NUP58: variants seen among roughly 807,000 people sequenced by gnomAD.
NUP58 encodes the protein nucleoporin p58/p45.
A neutral mutation model predicts 70.1 loss-of-function variants in NUP58; 17 were observed. That is an observed-to-expected ratio of 0.24 (90% CI 0.17 to 0.36). The LOEUF (loss-of-function observed/expected upper bound fraction) is 0.36, where lower values mean the gene tolerates loss of function less well. Ranked by LOEUF, NUP58 falls within the 10% of genes least tolerant of loss-of-function variation. The probability of loss-of-function intolerance (pLI) is 1.00; values close to 1 mark genes in which losing one functional copy is unlikely to be tolerated. For missense variants in NUP58, 644 were observed against 701.5 expected, an observed-to-expected ratio of 0.92 and a Z score of 0.93; for synonymous variants, 275 against 257.6, an observed-to-expected ratio of 1.07 and a Z score of -0.65.
rs1342972510 is a variant in NUP58, at chr13:25,312,923, T to C, written c.327T>C (p.Ser109=). Residue 109 remains serine, a synonymous_variant, in exon 4 of 16, where the codon AGT becomes AGC. Transcript: ENST00000381736. ...CATCTGCAGCTACAACAGGCTTCAG[T>C]TTAGGATTCAATAAACCTGCAGCAT... The part of the protein sequence containing the change: ...ATTSAATTGF[S]LGFNKPAASA... 28 of 1,613,764 alleles carry C rather than the reference T, an allele frequency of 1.7e-5. No homozygotes were observed. Among genetic ancestry groups the C allele is most frequent in the Non-Finnish European group, 2.3e-5 (27 of 1,179,922 alleles).
chr13:25,312,120 C>T (rs2030698973), intron 3 of NUP58, among the ~76,000 whole-genome samples: 1 of 151,752 alleles, frequency 6.6e-6, no homozygotes, highest in South Asian at 2.1e-4. Flanking sequence ...TAGGAAGTGT[C>T]AGTTAAGACA....
intron 13 of NUP58, chr13:25,333,788 TG>T: frequency 1.0e-6 from 1 of 985,414 alleles, no homozygotes; most frequent in Non-Finnish European, 1.2e-6. Flanking sequence ...TGTTTTTAAG[TG>T]CCAGTAACAA....
At chr13:25,302,929 C>T in intron 1 of NUP58, 1 of 455,644 alleles carries the variant, frequency 2.2e-6, no homozygotes, top group South Asian at 1.6e-5. Flanking sequence ...ATTTCCAGTT[C>T]CACAACCCTG....
intron 6 of NUP58, among the ~76,000 whole-genome samples, chr13:25,316,767 C>T (rs1299118785): frequency 6.6e-6 from 1 of 152,132 alleles, no homozygotes; most frequent in African/African-American, 2.4e-5. Flanking sequence ...CAGGCTAAGG[C>T]AGAAGAGTAA....
Position 25,340,218 on chromosome 13 carries a change from G to T in NUP58, c.*84G>T, listed in dbSNP as rs1432093890. ...TTTCTAATGATGCAGTAATTAAATT[G>T]CATCCCAGGAGATTTATAAAGTTTT... On this transcript the variant is annotated 3_prime_UTR_variant, in exon 16 of 16. Transcript: ENST00000381736. 3 of 1,213,538 alleles carry T rather than the reference G, an allele frequency of 2.5e-6. No homozygotes were observed. Among genetic ancestry groups the T allele is most frequent in the Non-Finnish European group, 3.3e-6 (3 of 912,754 alleles). 75.2% of individuals were successfully genotyped at this position (1,213,538 alleles called of 1,614,324 possible).
At chr13:25,330,775 CATT>C (rs2031573806) in intron 12 of NUP58, among the ~76,000 whole-genome samples, 1 of 152,128 alleles carries the variant, frequency 6.6e-6, no homozygotes, top group South Asian at 2.1e-4. Context: ...AATCAAGTCT[CATT>C]GTACAATGGT....
At chr13:25,324,538 T>C (rs2031316587) in intron 9 of NUP58, among the ~76,000 whole-genome samples, 1 of 152,204 alleles carries the variant, frequency 6.6e-6, no homozygotes, top group Non-Finnish European at 1.5e-5. Context: ...CCCTACATTG[T>C]AATGTTGTCC....
At chr13:25,334,138 A>G in intron 13 of NUP58, 2 of 985,298 alleles carry the variant, frequency 2.0e-6, no homozygotes, top group Non-Finnish European at 2.4e-6. Flanking sequence ...CCAGCAGGCT[A>G]TTTGTGTATG....
intron 6 of NUP58, among the ~76,000 whole-genome samples, chr13:25,316,835 C>G (rs921875241): frequency 2.0e-5 from 3 of 152,112 alleles, no homozygotes; most frequent in Admixed American, 6.5e-5. Flanking sequence ...TTCCTGCTTT[C>G]ATAGTGTACC....
rs1469123745 is a variant in NUP58, at chr13:25,313,704, C to G, written c.527C>G (p.Ala176Gly). The G allele has an allele frequency of 2.0e-6, 3 of 1,532,426 alleles. No homozygotes were observed. The highest frequency in any genetic ancestry group is 2.6e-5 in the East Asian group (1 of 38,834). 94.9% of individuals were successfully genotyped at this position (1,532,426 alleles called of 1,614,324 possible). A position where few individuals can be genotyped will look rare whatever the true frequency, so the allele number is the denominator to read the frequency against. Reference protein sequence around the residue: ...STGLSLGGALAGLGGSLFQST... With the variant: ...STGLSLGGALGGLGGSLFQST... ...GGCCTCTCTTTAGGGGGAGCCTTAG[C>G]TGGTTTGGGAGGTTCACTTTTCCAG... The change falls in exon 5 of 16, where the codon GCT becomes GGT. Residue 176 changes from alanine to glycine, a missense_variant. By Grantham distance (60) the Ala-to-Gly change is moderately conservative. Transcript: ENST00000381736.
At chr13:25,329,899 T>C (rs2031542833) in intron 12 of NUP58, among the ~76,000 whole-genome samples, 2 of 152,182 alleles carry the variant, frequency 1.3e-5, no homozygotes, top group South Asian at 2.1e-4. Context: ...CATGACTCAT[T>C]GCAGCCTCAA....
chr13:25,308,781 C>T (rs1241377970), intron 2 of NUP58, among the ~76,000 whole-genome samples: 2 of 152,124 alleles, frequency 1.3e-5, no homozygotes, highest in Non-Finnish European at 2.9e-5. Context: ...AAGTTTGCTT[C>T]TTTATTTACC....
chr13:25,343,602 C>T (rs889159170), downstream of NUP58, among the ~76,000 whole-genome samples: 4 of 150,974 alleles, frequency 2.6e-5, no homozygotes, highest in African/African-American at 4.8e-5. Flanking sequence ...GGCATGATTA[C>T]GCCTGGCTAA....
At chr13:25,301,935 C>A in intron 1 of NUP58, 55 bp downstream of exon 1, 5 of 1,161,180 alleles carry the variant, frequency 4.3e-6, no homozygotes, top group Non-Finnish European at 6.2e-6. Context: ...CCCACCCCCG[C>A]AAAGCTCCCT....
intron 13 of NUP58, chr13:25,335,853 G>A (rs975152849): frequency 9.6e-7 from 1 of 1,046,450 alleles, no homozygotes; most frequent in Non-Finnish European, 1.2e-6. Context: ...TCTTTGAGAT[G>A]CACTGATCAC....
chr13:25,345,819 A>G (rs1231041479), downstream of NUP58, among the ~76,000 whole-genome samples: 1 of 152,232 alleles, frequency 6.6e-6, no homozygotes, highest in African/African-American at 2.4e-5. Context: ...AGAGGCCGCA[A>G]CATACATAGG....
At chr13:25,347,695 G>T (rs1187569319) in intron 3 of NUP58, among the ~76,000 whole-genome samples, 1 of 152,176 alleles carries the variant, frequency 6.6e-6, no homozygotes, top group Non-Finnish European at 1.5e-5. Flanking sequence ...TGTTTTAGGA[G>T]TCTACTCCAT....
At chr13:25,304,937 A>G (rs975368484) in intron 1 of NUP58, among the ~76,000 whole-genome samples, 8 of 152,120 alleles carry the variant, frequency 5.3e-5, no homozygotes, top group African/African-American at 1.9e-4. Context: ...GCTAAGCTAA[A>G]TGTTTTGGCA....
At chr13:25,303,064 C>A (rs2030111295) in intron 1 of NUP58, 1 of 456,234 alleles carries the variant, frequency 2.2e-6, no homozygotes, top group African/African-American at 2.0e-5. Flanking sequence ...AATTTTGATT[C>A]TTGTCAGATT....
Sources: gnomAD v4.1 joint callset for allele counts (sites outside exome capture counted in the v4.1 genomes callset) on GRCh38, gnomAD v4.1.1 for gene constraint, MANE v1.5 for transcripts, NCBI Gene and HGNC (gene_info 2026-07-23, HGNC 2026-07-21) for gene names.